The following CELF2 variants were observed in gnomAD, a reference collection of about 807,000 sequenced individuals.
CELF2 encodes the protein CUG triplet repeat RNA-binding protein 2.
In CELF2, 8 loss-of-function variants were observed where a neutral mutation model predicts 62.6. The ratio of observed to expected loss-of-function variants is 0.13; its 90% CI spans 0.07 to 0.23. The LOEUF is 0.23. CELF2 is among the 10% of genes least tolerant of loss of function. The pLI, the probability that CELF2 is intolerant of heterozygous loss-of-function variation, is 1.00. For synonymous variants in CELF2, 258 were observed against 250.0 expected, an observed-to-expected ratio of 1.03 and a Z score of -0.30; for missense variants, 333 against 671.0, an observed-to-expected ratio of 0.50 and a Z score of 5.56.
chr10:10,966,449 C>A (rs1417795049), intron 2 of CELF2: 6 of 152,382 alleles, frequency 3.9e-5, no homozygotes. Flanking sequence ...CAGGCATGGA[C>A]AGTCCTGCTT....
chr10:10,469,254 T>G, the CELF2 span, among the ~76,000 whole-genome samples: 15 of 151,968 alleles, frequency 9.9e-5, no homozygotes, highest in African/African-American at 3.6e-4. Context: ...CACCATCAAC[T>G]TTTTGATCAA....
chr10:10,464,476 T>A, the CELF2 span, among the ~76,000 whole-genome samples: 1 of 152,300 alleles, frequency 6.6e-6, no homozygotes, highest in East Asian at 1.9e-4. Flanking sequence ...TATCATTCTA[T>A]TCTCAAATTT....
At chr10:10,636,136 T>C in the CELF2 span, among the ~76,000 whole-genome samples, 4 of 152,362 alleles carry the variant, frequency 2.6e-5, no homozygotes, top group Non-Finnish European at 5.9e-5. Context: ...AGGTTTTTAT[T>C]TGAATTATTC....
At chr10:10,557,376 C>A in the CELF2 span, among the ~76,000 whole-genome samples, 1 of 151,578 alleles carries the variant, frequency 6.6e-6, no homozygotes, top group South Asian at 2.1e-4. Context: ...GGGCTCTTTT[C>A]TGTTCCATTG....
At chr10:10,727,708 G>A in the CELF2 span, among the ~76,000 whole-genome samples, 54 of 151,540 alleles carry the variant, frequency 3.6e-4, no homozygotes, top group Non-Finnish European at 2.1e-4. Flanking sequence ...CCCAAGAGGC[G>A]GATGTTGCAG....
At chr10:11,017,295 T>C (rs183255510), upstream of CELF2, among the ~76,000 whole-genome samples, 2 of 152,346 alleles carry the variant, frequency 1.3e-5, no homozygotes, top group African/African-American at 2.4e-5. The surrounding 1 kb of genome is among the most constrained non-coding windows in gnomAD (Gnocchi z 5.5). Flanking sequence ...ATCGTTTGTG[T>C]AGAAAACGTG....
chr10:10,810,865 T>A (rs1326505010), intron 1 of CELF2, among the ~76,000 whole-genome samples: 1 of 152,140 alleles, frequency 6.6e-6, no homozygotes, highest in African/African-American at 2.4e-5. Flanking sequence ...GAAGTTCCTA[T>A]GGGATGGGCA....
chr10:11,213,272 G>C (rs750696219), intron 2 of CELF2, among the ~76,000 whole-genome samples: 20 of 152,184 alleles, frequency 1.3e-4, no homozygotes, highest in Non-Finnish European at 2.5e-4. Context: ...ACCGATGTTG[G>C]AAACAGAGCC....
the CELF2 span, among the ~76,000 whole-genome samples, chr10:10,712,426 C>T: frequency 2.6e-5 from 4 of 152,132 alleles, no homozygotes; most frequent in Admixed American, 6.5e-5. Flanking sequence ...ACTACATCAC[C>T]GGTTGTAGGC....
At chr10:10,767,434 T>C in the CELF2 span, among the ~76,000 whole-genome samples, 1 of 152,176 alleles carries the variant, frequency 6.6e-6, no homozygotes, top group Non-Finnish European at 1.5e-5. Context: ...GCTCTCAGCC[T>C]AAGTCCCTCA....
rs557546071 is a variant in CELF2 at position 11,214,550 on chromosome 10, C to T, written c.272-2875C>T. ...GGACTGTGGCAAGGAGCTACGCCCA[C>T]CTGGAGATGGGATCCCCTCTTGGAA... On this transcript the variant is annotated intron_variant, in intron 2 of 12. Coordinates refer to ENST00000633077, the MANE Select transcript of CELF2 (RefSeq NM_001326342.2). This position sits in a 1 kb window ranked among gnomAD's most constrained non-coding sequence, Gnocchi z 4.2. Among the ~76,000 whole-genome samples, 5 of 152,308 alleles carry T rather than the reference C, an allele frequency of 3.3e-5. No homozygotes were observed. The highest frequency in any genetic ancestry group is 2.6e-4 in the Admixed American group (4 of 15,302).
rs1390036652 is a variant in CELF2 at position 11,296,284 on chromosome 10, T to G, written c.976+7732T>G. Among the ~76,000 whole-genome samples, 1 of 152,200 alleles carries G rather than the reference T, an allele frequency of 6.6e-6. No individual in the cohort carries two copies. Among genetic ancestry groups the G allele is most frequent in the Non-Finnish European group, 1.5e-5 (1 of 68,030 alleles). On this transcript the variant is annotated intron_variant, in intron 9 of 12. Coordinates refer to ENST00000633077, the MANE Select transcript of CELF2 (RefSeq NM_001326342.2). This position sits in a 1 kb window ranked among gnomAD's most constrained non-coding sequence, Gnocchi z 5.0. The stretch of plus-strand genomic sequence containing the variant: ...GCTGGACTCTGTGCTAAGTGTGATT[T>G]GTTTTTAAATATTGCTTTGCACACT...
chr10:10,686,310 T>TTGGGGGGGG, the CELF2 span, among the ~76,000 whole-genome samples: 1 of 69,754 alleles, frequency 1.4e-5, no homozygotes, highest in Non-Finnish European at 2.9e-5. Flanking sequence ...TTGGATTTTT[T>TTGGGGGGGG]GGGGGGGGGG....
At position 11,227,931 on chromosome 10, in the gene CELF2, A is replaced by G. The variant is rs1423401449; in HGVS notation, c.354+10424A>G. Among the ~76,000 whole-genome samples the G allele has an allele frequency of 6.6e-6, 1 of 152,220 alleles. No homozygotes were observed. Among genetic ancestry groups the G allele is most frequent in the Non-Finnish European group, 1.5e-5 (1 of 68,038 alleles). ...CCACACTTTGTGTACTCACCAGCACATACACGGTATTATTGTTTCCTCAGA... is the reference window on the plus strand; with the variant it reads ...CCACACTTTGTGTACTCACCAGCACGTACACGGTATTATTGTTTCCTCAGA... On this transcript the variant is annotated intron_variant, in intron 3 of 12. Coordinates refer to ENST00000633077, the MANE Select transcript of CELF2 (RefSeq NM_001326342.2). The surrounding 1 kb of genome is among the most constrained non-coding windows in gnomAD (Gnocchi z 4.8).
At chr10:11,281,642 A>C (rs1174883084) in intron 8 of CELF2, among the ~76,000 whole-genome samples, 3 of 152,052 alleles carry the variant, frequency 2.0e-5, no homozygotes, top group Non-Finnish European at 2.9e-5. Flanking sequence ...AGTCCCAGCT[A>C]CTCAGGAGGC....
At chr10:11,279,454 C>T (rs1041658374) in intron 8 of CELF2, among the ~76,000 whole-genome samples, 2 of 152,086 alleles carry the variant, frequency 1.3e-5, no homozygotes, top group African/African-American at 2.4e-5. Flanking sequence ...GAATTGGAGG[C>T]GCTCCCGGAG....
At chr10:11,205,677 C>T (rs1180703769) in intron 2 of CELF2, among the ~76,000 whole-genome samples, 1 of 152,158 alleles carries the variant, frequency 6.6e-6, no homozygotes, top group African/African-American at 2.4e-5. Flanking sequence ...TGAAAACTGT[C>T]ATGGTATCTG....
chr10:10,683,128 T>C, the CELF2 span, among the ~76,000 whole-genome samples: 1 of 152,248 alleles, frequency 6.6e-6, no homozygotes, highest in African/African-American at 2.4e-5. Context: ...ACATTTTCCC[T>C]ACTATAGTAT....
the CELF2 span, among the ~76,000 whole-genome samples, chr10:10,747,666 G>A: frequency 6.6e-6 from 1 of 152,160 alleles, no homozygotes; most frequent in African/African-American, 2.4e-5. Context: ...GGGACAGCCA[G>A]GGAGCACCTC....
Sources: allele counts gnomAD v4.1 joint callset (sites outside exome capture counted in the v4.1 genomes callset), GRCh38; gene constraint gnomAD v4.1.1; non-coding constraint Gnocchi (gnomAD v3.1); transcripts MANE v1.5; gene names NCBI Gene and HGNC (gene_info 2026-07-23, HGNC 2026-07-21).